Variants in SRSF4 observed in about 807,000 individuals in gnomAD.
SRSF4 encodes the protein serine and arginine rich splicing factor 4.
Under a neutral mutation model 48.8 loss-of-function variants are expected in SRSF4, and 12 were observed. The ratio of observed to expected loss-of-function variants is 0.25; its 90% confidence interval spans 0.16 to 0.40. The LOEUF (loss-of-function observed/expected upper bound fraction) is 0.40, where lower values mean the gene tolerates loss of function less well. Among genes scored for constraint, SRSF4 ranks in the 10% least tolerant of loss-of-function variants. The probability of loss-of-function intolerance (pLI) is 1.00; values close to 1 mark genes in which losing one functional copy is unlikely to be tolerated. For synonymous variants in SRSF4, 248 were observed against 232.5 expected (o/e 1.07, Z -0.61); for missense variants, 466 against 667.1 (o/e 0.70, Z 3.32).
intron 4 of SRSF4, among the ~76,000 whole-genome samples, chr1:29,154,188 T>A (rs952359290): frequency 7.9e-5 from 12 of 152,186 alleles, no homozygotes; most frequent in Non-Finnish European, 1.8e-4. Flanking sequence ...TGCCTCCGCC[T>A]CCCGAGTCAC....
At chr1:29,174,303 T>G (rs2428558) in intron 1 of SRSF4, among the ~76,000 whole-genome samples, 13 of 152,134 alleles carry the variant, frequency 8.5e-5, no homozygotes, top group Non-Finnish European at 1.8e-4. Context: ...AGCATTAAAA[T>G]GTGTATATGC....
In SRSF4 at chr1:29,181,765, A is replaced by G. The variant is rs777354714; in HGVS notation, c.-13T>C. The G allele has an allele frequency of 1.9e-6, 3 of 1,567,568 alleles. No individual in the cohort carries two copies. Among genetic ancestry groups the G allele is most frequent in the Non-Finnish European group, 2.6e-6 (3 of 1,162,098 alleles). On this transcript the variant is annotated 5_prime_UTR_variant, in exon 1 of 6. Transcript: ENST00000373795. ...ACACCCGCGGCATCCCGGCAACGGC[A>G]GTGATGGCTGGCCCCGGCCCCAGCC...
chr1:29,165,048 A>C (rs536429580), intron 1 of SRSF4, among the ~76,000 whole-genome samples: 4 of 152,246 alleles, frequency 2.6e-5, no homozygotes, highest in East Asian at 1.9e-4. Context: ...CCCAAAAAAA[A>C]CCCTGAAATC....
At chr1:29,169,834 A>G (rs1300404201) in intron 1 of SRSF4, 1 of 152,216 alleles carries the variant, frequency 6.6e-6, no homozygotes, top group Non-Finnish European at 1.5e-5. Flanking sequence ...TAAACACCAA[A>G]CAGTAAAACT....
chr1:29,168,032 A>C (rs569342493), intron 1 of SRSF4, among the ~76,000 whole-genome samples: 77 of 142,010 alleles, frequency 5.4e-4, no homozygotes, highest in African/African-American at 1.9e-3. Flanking sequence ...TTTTTTTTAA[A>C]AAAAACATAG....
intron 1 of SRSF4, 42 bp from the exon 2 acceptor site, chr1:29,160,559 C>T: frequency 6.4e-7 from 1 of 1,555,190 alleles, no homozygotes; most frequent in Admixed American, 2.0e-5. Flanking sequence ...ACCATTTTGA[C>T]ATCCAGCTTC....
At chr1:29,178,245 T>C (rs1185187717) in intron 1 of SRSF4, among the ~76,000 whole-genome samples, 2 of 152,064 alleles carry the variant, frequency 1.3e-5, no homozygotes, top group African/African-American at 4.8e-5. Flanking sequence ...CTTACAACCC[T>C]TCAGCCTAAC....
intron 1 of SRSF4, chr1:29,165,781 T>A (rs1346474756): frequency 1.3e-5 from 2 of 152,244 alleles, no homozygotes; most frequent in African/African-American, 2.4e-5. Context: ...AAAGCAAGCC[T>A]CCATGCGTGT....
At chr1:29,157,829 A>T (rs745530117) in intron 3 of SRSF4, among the ~76,000 whole-genome samples, 2 of 152,218 alleles carry the variant, frequency 1.3e-5, no homozygotes, top group Non-Finnish European at 2.9e-5. Context: ...TCAGATTATG[A>T]TACTGCTCAG....
intron 5 of SRSF4, among the ~76,000 whole-genome samples, chr1:29,149,688 G>GAA (rs35111206): frequency 2.2e-4 from 22 of 100,900 alleles, no homozygotes; most frequent in South Asian, 2.8e-4. Context: ...CTTGAGGGGG[G>GAA]AAAAAAAAAA....
chr1:29,174,326 A>G (rs755142898), intron 1 of SRSF4, among the ~76,000 whole-genome samples: 2 of 152,256 alleles, frequency 1.3e-5, no homozygotes, highest in South Asian at 2.1e-4. Context: ...TGACTCCCAA[A>G]GTCTACTTGC....
At chr1:29,158,963 C>T (rs71514297) in intron 3 of SRSF4, among the ~76,000 whole-genome samples, 50,876 of 152,020 alleles carry the variant, frequency 0.33, 10,146 homozygotes, top group Non-Finnish European at 0.44. Flanking sequence ...AAAAATTACC[C>T]GGGCATGGTG....
chr1:29,150,333 C>T (rs565033409), intron 4 of SRSF4, 141 bp from the exon 5 acceptor site: 7 of 332,490 alleles, frequency 2.1e-5, no homozygotes, highest in South Asian at 9.7e-5. Flanking sequence ...GGCGCGATCT[C>T]GGCTCACCAC....
At position 29,173,943 on chromosome 1, in the gene SRSF4, C is replaced by T. The variant is rs1396061571; in HGVS notation, c.107+7703G>A. 3.3e-5 allele frequency among the ~76,000 whole-genome samples: 5 copies of T among 151,512 alleles called. No individual in the cohort carries two copies. The South Asian group carries it at 1.0e-3, about 32-fold the overall frequency. On this transcript the variant is annotated intron_variant, in intron 1 of 5. Coordinates refer to ENST00000373795, the MANE Select transcript of SRSF4 (RefSeq NM_005626.5). Reference sequence around the variant, plus strand: ...GTGGCTCACGCCTGTAATCCCAGCACTTTGGGAGGATGAGGTGGGCGGATC... The same window carrying T: ...GTGGCTCACGCCTGTAATCCCAGCATTTTGGGAGGATGAGGTGGGCGGATC...
intron 1 of SRSF4, chr1:29,170,503 T>A (rs755510985): frequency 1.1e-4 from 17 of 152,188 alleles, no homozygotes; most frequent in Non-Finnish European, 2.2e-4. Context: ...CTTGGCTGTA[T>A]GAGGCACCAT....
intron 1 of SRSF4, among the ~76,000 whole-genome samples, chr1:29,179,314 TA>T (rs1672917368): frequency 6.6e-6 from 1 of 152,192 alleles, no homozygotes; most frequent in Non-Finnish European, 1.5e-5. Context: ...ATTATGACAT[TA>T]AAAAAATATT....
Position 29,150,206 on chromosome 1 carries a change from A to G in SRSF4, c.579-14T>C, listed in dbSNP as rs201150450. 8.7e-6 allele frequency: 14 copies of G among 1,605,994 alleles called. No individual in the cohort carries two copies. The Admixed American group carries it at 1.7e-4, about 19-fold the overall frequency. ...CGAGAGCGAGACCTAGGGGGAGAAA[A>G]TATTTTTTAATACTTGCTGACAAGA... On this transcript the variant is annotated splice_polypyrimidine_tract_variant and intron_variant, in intron 4 of 5. Transcript: ENST00000373795.
rs967651046 is a variant in SRSF4 at position 29,148,909 on chromosome 1, T to C, written c.986A>G (p.Gln329Arg). 4 of 1,611,038 alleles carry C rather than the reference T, an allele frequency of 2.5e-6. No individual in the cohort carries two copies. Among genetic ancestry groups the C allele is most frequent in the Admixed American group, 1.7e-5 (1 of 59,880 alleles). ...TTTGCTCCTGCTCCGGCTCCGACTC[T>C]GGCGGAGGCTCTTCTCCTGGCTCCT... ...RGRSQEKSLR[Q>R]SRSRSRSKGG... The change falls in exon 6 of 6, where the codon CAG becomes CGG. Residue 329 changes from glutamine to arginine, a missense_variant. By Grantham distance (43) the Gln-to-Arg change is conservative. Transcript: ENST00000373795.
intron 1 of SRSF4, among the ~76,000 whole-genome samples, chr1:29,161,270 A>G (rs1194415972): frequency 6.6e-6 from 1 of 152,212 alleles, no homozygotes; most frequent in African/African-American, 2.4e-5. Flanking sequence ...CTAAAGTGCA[A>G]AATTTGTAAG....
Sources: allele counts gnomAD v4.1 joint callset (sites outside exome capture counted in the v4.1 genomes callset), GRCh38; gene constraint gnomAD v4.1.1; transcripts MANE v1.5; gene names NCBI Gene and HGNC (gene_info 2026-07-23, HGNC 2026-07-21).